TTLL11: variants seen among roughly 807,000 people sequenced by gnomAD.
The protein encoded by TTLL11 is tubulin tyrosine ligase like 11, also known as tubulin polyglutamylase TTLL11.
A neutral mutation model predicts 51.7 loss-of-function variants in TTLL11; 42 were observed. The observed-to-expected ratio is 0.81, with a 90% CI of 0.64 to 1.05. The LOEUF (loss-of-function observed/expected upper bound fraction) is 1.05. Among genes scored for constraint, TTLL11 ranks in the 50% least tolerant of loss-of-function variants. The probability of loss-of-function intolerance (pLI) is 0.00; values close to 1 mark genes in which losing one functional copy is unlikely to be tolerated. For synonymous variants in TTLL11, 381 were observed against 383.5 expected (o/e 0.99, Z 0.08); for missense variants, 799 against 940.4 (o/e 0.85, Z 1.97).
chr9:121,979,807 C>G (rs1465991209), intron 4 of TTLL11, among the ~76,000 whole-genome samples: 1 of 152,106 alleles, frequency 6.6e-6, no homozygotes, highest in Non-Finnish European at 1.5e-5. Context: ...CTACAAATTG[C>G]TCTATGGCCT....
At chr9:121,982,146 G>T (rs559513880) in intron 4 of TTLL11, among the ~76,000 whole-genome samples, 1 of 152,262 alleles carries the variant, frequency 6.6e-6, no homozygotes, top group South Asian at 2.1e-4. Flanking sequence ...TGCTGTTTAG[G>T]TTTACCTCCT....
In TTLL11 at chr9:121,989,303, A is replaced by G. The variant is rs1378912329; in HGVS notation, c.1161T>C (p.Ser387=). The change falls in exon 4 of 9, where the codon TCT becomes TCC. Residue 387 remains serine, a synonymous_variant. Transcript: ENST00000321582. This position sits in a 1 kb window ranked among gnomAD's most constrained non-coding sequence, Gnocchi z 4.2. ...SKGVDIKKVW[S]DIISVVIKTV... is the part of the protein sequence containing the mutation. ...TCTTAATCACCACGGAGATGATGTC[A>G]GACCAGACCTTCTTGATGTCAACGC... is the stretch of plus-strand genomic sequence containing the variant. 11 of 1,614,198 alleles carry G rather than the reference A, an allele frequency of 6.8e-6. No homozygotes were observed. The highest frequency in any genetic ancestry group is 9.3e-6 in the Non-Finnish European group (11 of 1,180,000).
At position 122,093,236 on chromosome 9, in the gene TTLL11, G is replaced by A; in HGVS notation, c.-88C>T. The A allele has an allele frequency of 1.3e-6, 2 of 1,495,212 alleles. No individual in the cohort carries two copies. The highest frequency in any genetic ancestry group is 2.3e-5 in the Admixed American group (1 of 43,300). 92.6% of individuals were successfully genotyped at this position (1,495,212 alleles called of 1,614,324 possible). On this transcript the variant is annotated 5_prime_UTR_variant, in exon 1 of 9. Coordinates refer to ENST00000321582, the MANE Select transcript of TTLL11 (RefSeq NM_001139442.2). ...AGTCCGCCACCAAACTGCCGCCGCT[G>A]CAGCCGCTGCCACGCGTTCCCCGCC...
intron 6 of TTLL11, among the ~76,000 whole-genome samples, chr9:121,958,825 C>T (rs892300754): frequency 6.6e-6 from 1 of 152,168 alleles, no homozygotes; most frequent in African/African-American, 2.4e-5. Flanking sequence ...AAGCCCTGCA[C>T]AGGTGTATGG....
At chr9:121,876,054 G>C (rs1404163495) in intron 6 of TTLL11, among the ~76,000 whole-genome samples, 1 of 152,188 alleles carries the variant, frequency 6.6e-6, no homozygotes, top group African/African-American at 2.4e-5. Flanking sequence ...TACAGTGTAG[G>C]TGGAAACGAT....
At chr9:122,003,409 T>C (rs1843540460) in intron 3 of TTLL11, among the ~76,000 whole-genome samples, 1 of 151,932 alleles carries the variant, frequency 6.6e-6, no homozygotes, top group South Asian at 2.1e-4. Context: ...ATATATATTA[T>C]AACATTTTAG....
At chr9:121,922,158 C>T (rs927299241) in intron 6 of TTLL11, among the ~76,000 whole-genome samples, 1 of 152,194 alleles carries the variant, frequency 6.6e-6, no homozygotes, top group Non-Finnish European at 1.5e-5. Flanking sequence ...GGAGGGACAA[C>T]TCTATCTCTA....
At chr9:122,034,820 G>T (rs970239499) in intron 2 of TTLL11, among the ~76,000 whole-genome samples, 1 of 152,144 alleles carries the variant, frequency 6.6e-6, no homozygotes, top group Non-Finnish European at 1.5e-5. Flanking sequence ...GGCCCTACTG[G>T]CTCCAGGCCC....
intron 3 of TTLL11, among the ~76,000 whole-genome samples, chr9:121,996,688 C>T (rs1039192683): frequency 1.3e-5 from 2 of 152,238 alleles, no homozygotes; most frequent in Non-Finnish European, 2.9e-5. Context: ...CTTCTGATAT[C>T]CAACCCTAAG....
chr9:121,868,637 C>T (rs532325316), intron 7 of TTLL11, among the ~76,000 whole-genome samples: 2 of 152,272 alleles, frequency 1.3e-5, no homozygotes, highest in South Asian at 4.2e-4. Flanking sequence ...GAAAGTGGAA[C>T]ATGGATCATC....
chr9:121,838,605 G>C (rs1281719392), intron 8 of TTLL11, among the ~76,000 whole-genome samples: 1 of 152,156 alleles, frequency 6.6e-6, no homozygotes, highest in Non-Finnish European at 1.5e-5. Flanking sequence ...TGTAGTCCCA[G>C]CTACTCAGGA....
chr9:121,879,574 G>A (rs960419216), intron 6 of TTLL11, among the ~76,000 whole-genome samples: 1 of 152,208 alleles, frequency 6.6e-6, no homozygotes, highest in Non-Finnish European at 1.5e-5. Flanking sequence ...CATAGAGAGT[G>A]GGGCCAAGTC....
intron 8 of TTLL11, among the ~76,000 whole-genome samples, chr9:121,849,581 G>A (rs919743084): frequency 1.3e-5 from 2 of 151,924 alleles, no homozygotes; most frequent in African/African-American, 2.4e-5. Context: ...TTAAAACATG[G>A]GCAAAAGAGC....
intron 7 of TTLL11, among the ~76,000 whole-genome samples, chr9:121,866,303 T>C (rs1838173091): frequency 6.6e-6 from 1 of 152,190 alleles, no homozygotes; most frequent in Admixed American, 6.5e-5. Flanking sequence ...TAGAGAAATC[T>C]AAAGGCAGAG....
intron 3 of TTLL11, among the ~76,000 whole-genome samples, chr9:122,021,386 C>T (rs72767707): frequency 0.048 from 7,283 of 152,156 alleles, 228 homozygotes; most frequent in African/African-American, 0.085. Context: ...AACTCTGGAG[C>T]GTCTTCCTTA....
chr9:122,079,949 G>A (rs995431036), intron 1 of TTLL11, among the ~76,000 whole-genome samples: 6 of 152,030 alleles, frequency 3.9e-5, no homozygotes, highest in Non-Finnish European at 8.8e-5. Flanking sequence ...GCAACATAGT[G>A]AGACACCACC....
At chr9:121,955,832 C>T (rs544013694) in intron 6 of TTLL11, among the ~76,000 whole-genome samples, 1 of 152,168 alleles carries the variant, frequency 6.6e-6, no homozygotes, top group Non-Finnish European at 1.5e-5. Context: ...ACTCTGCTAC[C>T]AAATTTTCTG....
intron 3 of TTLL11, among the ~76,000 whole-genome samples, chr9:122,017,868 A>G (rs1439569508): frequency 6.6e-6 from 1 of 152,222 alleles, no homozygotes; most frequent in Non-Finnish European, 1.5e-5. Context: ...AAAAGAATGG[A>G]TAGAATAATC....
At chr9:122,048,308 A>T (rs1473335136) in intron 1 of TTLL11, among the ~76,000 whole-genome samples, 1 of 152,082 alleles carries the variant, frequency 6.6e-6, no homozygotes, top group Non-Finnish European at 1.5e-5. Context: ...CTGGAACTAT[A>T]AGCAAATGGC....
Sources: gnomAD v4.1 joint callset for allele counts (sites outside exome capture counted in the v4.1 genomes callset) on GRCh38, gnomAD v4.1.1 for gene constraint, Gnocchi (gnomAD v3.1) non-coding constraint, MANE v1.5 for transcripts, NCBI Gene and HGNC (gene_info 2026-07-23, HGNC 2026-07-21) for gene names.